The following STON2 variants were observed in gnomAD, a reference collection of about 807,000 sequenced individuals.
The protein encoded by STON2 is stonin 2, also known as stonin-2.
Under a neutral mutation model 65.7 loss-of-function variants are expected in STON2, and 29 were observed. The observed-to-expected ratio is 0.44, with a 90% CI of 0.33 to 0.60. STON2 has a LOEUF of 0.60. Ranked by LOEUF, STON2 falls within the 20% of genes least tolerant of loss-of-function variation. The pLI is 0.03. For synonymous variants in STON2, 404 were observed against 414.2 expected (o/e 0.98, Z 0.30); for missense variants, 1,054 against 1,118.1 (o/e 0.94, Z 0.82).
At chr14:81,370,116 A>G (rs1224336027) in intron 4 of STON2, among the ~76,000 whole-genome samples, 1 of 152,238 alleles carries the variant, frequency 6.6e-6, no homozygotes, top group Non-Finnish European at 1.5e-5. Flanking sequence ...CTATACTTGT[A>G]GAATTGAATG....
rs148260441 is a variant in STON2 at position 81,289,345 on chromosome 14, G to A, written c.743-10606C>T. 3.5e-4 allele frequency among the ~76,000 whole-genome samples: 53 copies of A among 152,238 alleles called. No individual in the cohort carries two copies. The East Asian group carries it at 9.1e-3, about 26-fold the overall frequency. ...TTGCCACGGAAGGTAAAGGCTCACCGTTGCAATAGTTAGAAGACAGAAAAA... is the reference window on the plus strand; with the variant it reads ...TTGCCACGGAAGGTAAAGGCTCACCATTGCAATAGTTAGAAGACAGAAAAA... On this transcript the variant is annotated intron_variant, in intron 5 of 7. Transcript: ENST00000614646.
chr14:81,268,676 GT>G (rs1439018416), intron 7 of STON2, 179 bp from the exon 8 acceptor site: 13 of 976,326 alleles, frequency 1.3e-5, no homozygotes, highest in Non-Finnish European at 1.6e-5. Context: ...CTTTGCACAT[GT>G]TCTTTAACTG....
rs567373417 is a variant in STON2, at chr14:81,267,685, C to G, written c.*729G>C. ...AAACTAAGATTAATTTTGCCTTCCC[C>G]TCAACACCCATTTTGCAGAATGTGG... On this transcript the variant is annotated 3_prime_UTR_variant, in exon 8 of 8. Transcript: ENST00000614646. The G allele has an allele frequency of 1.1e-5, 11 of 985,396 alleles. No homozygotes were observed. The African/African-American group carries it at 1.9e-4, about 17-fold the overall frequency. The allele number at this position is 985,396 out of a possible 1,614,324, so 61.0% of individuals were successfully genotyped here. A position where few individuals can be genotyped will look rare whatever the true frequency, so the allele number is the denominator to read the frequency against.
intron 3 of STON2, among the ~76,000 whole-genome samples, chr14:81,373,293 G>T (rs1899088323): frequency 6.6e-6 from 1 of 151,728 alleles, no homozygotes. Flanking sequence ...ATTAAAATTG[G>T]ACTGGTATCT....
intron 4 of STON2, among the ~76,000 whole-genome samples, chr14:81,332,038 C>A (rs550869333): frequency 3.3e-5 from 5 of 152,254 alleles, no homozygotes; most frequent in African/African-American, 1.2e-4. Context: ...GGGTTACAAC[C>A]CCCTTAGAAT....
intron 4 of STON2, among the ~76,000 whole-genome samples, chr14:81,343,121 C>G (rs900196314): frequency 2.0e-5 from 3 of 152,182 alleles, no homozygotes; most frequent in African/African-American, 7.2e-5. Flanking sequence ...TAAAAGTTAA[C>G]AGCTCACAAC....
At position 81,270,802 on chromosome 14, in the gene STON2, A is replaced by C. The variant is rs1894551627; in HGVS notation, c.2652T>G (p.Phe884Leu). 6.2e-7 allele frequency: 1 copy of C among 1,614,132 alleles called. No individual in the cohort carries two copies. The highest frequency in any genetic ancestry group is 8.5e-7 in the Non-Finnish European group (1 of 1,180,038). The change falls in exon 7 of 8, where the codon TTT becomes TTG. Residue 884 changes from phenylalanine (F) to leucine (L), a missense_variant. Phe to Leu is a conservative substitution (Grantham distance 22). Transcript: ENST00000614646. ...TGAACTCGACATTCACGTGATTGGC[A>C]AATCTGGAAGGCACTTCCCGGTCAG... The part of the protein sequence containing the change: ...LGSDREVPSR[F>L]ANHVNVEFSM...
chr14:81,387,773 T>A (rs572312438), intron 3 of STON2, among the ~76,000 whole-genome samples: 1 of 150,558 alleles, frequency 6.6e-6, no homozygotes, highest in African/African-American at 2.4e-5. Context: ...GTGCCTGTAG[T>A]CCCAGTAACT....
At position 81,265,116 on chromosome 14, in the gene STON2, A is replaced by C; in HGVS notation, c.*3298T>G. The C allele has an allele frequency of 1.0e-6, 1 of 985,224 alleles. No individual in the cohort carries two copies. Among genetic ancestry groups the C allele is most frequent in the Middle Eastern group, 5.2e-4 (1 of 1,914 alleles). The allele number at this position is 985,224 out of a possible 1,614,324, so 61.0% of individuals were successfully genotyped here. On this transcript the variant is annotated 3_prime_UTR_variant, in exon 8 of 8. Transcript: ENST00000614646. ...AAAAAGTCCAGGTCCAGGGTTGCAA[A>C]AGTAGAATCTGCATATCCACAGGTA... is the stretch of plus-strand genomic sequence containing the variant.
rs1415914329 is a variant in STON2 at position 81,434,558 on chromosome 14, T to TG, written c.-310+1762dup. Among the ~76,000 whole-genome samples, 3 of 152,270 alleles carry TG rather than the reference T, an allele frequency of 2.0e-5. No homozygotes were observed. In the South Asian group the frequency reaches 6.2e-4, roughly 32 times the overall value. On this transcript the variant is annotated intron_variant, in intron 1 of 8. Coordinates refer to the STON2 transcript ENST00000553821. ...AAAGCACAAGAGACCCTAGAAGAAC[T>TG]GGGGCATTTTGTTTGCATCCTTTCC... is the stretch of plus-strand genomic sequence containing the variant.
Position 81,277,774 on chromosome 14 carries a change from G to C in STON2, c.1708C>G (p.Gln570Glu), listed in dbSNP as rs772351610. 1.9e-6 allele frequency: 3 copies of C among 1,614,118 alleles called. No homozygotes were observed. In the Admixed American group the frequency reaches 5.0e-5, roughly 27 times the overall value. The change falls in exon 6 of 8, where the codon CAG becomes GAG. Residue 570 changes from glutamine to glutamate, a missense_variant. Gln to Glu is a conservative substitution (Grantham distance 29). Transcript: ENST00000614646. ...RVTYKEKKKY[Q>E]PKPAVAHTAE... ...GTGTGGGCCACAGCAGGTTTGGGCT[G>C]GTATTTCTTCTTCTCTTTATAGGTG...
chr14:81,306,513 A>G (rs1003652969), intron 5 of STON2: 1 of 152,312 alleles, frequency 6.6e-6, no homozygotes, highest in Non-Finnish European at 1.5e-5. Flanking sequence ...CAGCCTCTCA[A>G]GTAGCTGGGA....
At chr14:81,406,321 T>G (rs901354933) in intron 2 of STON2, among the ~76,000 whole-genome samples, 1 of 152,242 alleles carries the variant, frequency 6.6e-6, no homozygotes, top group Non-Finnish European at 1.5e-5. Flanking sequence ...TTCTAGGCTT[T>G]GCTAGGGTAG....
chr14:81,263,233 T>G lies in STON2; in HGVS notation c.*5181A>C. The G allele has an allele frequency of 2.2e-6, 2 of 926,016 alleles. No individual in the cohort carries two copies. The highest frequency in any genetic ancestry group is 2.6e-6 in the Non-Finnish European group (2 of 775,922). The allele number at this position is 926,016 out of a possible 1,614,324, so 57.4% of individuals were successfully genotyped here. ...TGTGGCCCAAGACAAATTCGTAAAC[T>G]TTCTTAAAACATTATGCTATTTTGG... On this transcript the variant is annotated 3_prime_UTR_variant, in exon 8 of 8. Coordinates refer to ENST00000614646, the MANE Select transcript of STON2 (RefSeq NM_001394390.1).
intron 4 of STON2, among the ~76,000 whole-genome samples, chr14:81,354,887 C>T (rs1015778088): frequency 2.6e-5 from 4 of 151,750 alleles, no homozygotes; most frequent in African/African-American, 9.7e-5. Context: ...CATGGTGGCA[C>T]GTTCCTGTAA....
intron 2 of STON2, among the ~76,000 whole-genome samples, chr14:81,415,562 C>T (rs1901386803): frequency 4.1e-5 from 6 of 147,628 alleles, no homozygotes; most frequent in Non-Finnish European, 7.4e-5. Flanking sequence ...CCCAGCTACT[C>T]GGGAGGCTGA....
At chr14:81,358,995 T>C (rs1214023310) in intron 4 of STON2, among the ~76,000 whole-genome samples, 1 of 152,132 alleles carries the variant, frequency 6.6e-6, no homozygotes, top group Non-Finnish European at 1.5e-5. Flanking sequence ...GACAGAAAAG[T>C]AATAAGGAAA....
Position 81,270,732 on chromosome 14 carries a change from A to C in STON2, c.2722T>G (p.Ser908Ala), listed in dbSNP as rs2241621. 900,625 of 1,613,772 alleles carry C rather than the reference A, an allele frequency of 0.56. 256,448 individuals carry two copies. The highest frequency in any genetic ancestry group is 0.62 in the Middle Eastern group (3,766 of 6,060). ...SASKASVRSI[S>A]VEDKTDVRKW... ...CTGACGTCAGTCTTGTCTTCTACAGAGATAGATCTCACGCTGGCTTTGGAG... is the reference window on the plus strand; with the variant it reads ...CTGACGTCAGTCTTGTCTTCTACAGCGATAGATCTCACGCTGGCTTTGGAG... Residue 908 changes from serine to alanine, a missense_variant, in exon 7 of 8, where the codon TCT becomes GCT. By Grantham distance (99) the Ser-to-Ala change is moderately conservative. Transcript: ENST00000614646.
chr14:81,319,913 G>A (rs796476284), intron 5 of STON2, among the ~76,000 whole-genome samples: 14 of 152,220 alleles, frequency 9.2e-5, no homozygotes, highest in African/African-American at 3.1e-4. Context: ...CCCCATAAGG[G>A]GACCATGTCC....
Sources: allele counts gnomAD v4.1 joint callset (sites outside exome capture counted in the v4.1 genomes callset), GRCh38; gene constraint gnomAD v4.1.1; transcripts MANE v1.5; gene names NCBI Gene and HGNC (gene_info 2026-07-23, HGNC 2026-07-21).